CASP6: variants seen among roughly 807,000 people sequenced by gnomAD.
The protein encoded by CASP6 is caspase-6.
Under a neutral mutation model 31.8 loss-of-function variants are expected in CASP6, and 20 were observed. The observed-to-expected ratio is 0.63, with a 90% CI of 0.44 to 0.91. CASP6 has a LOEUF of 0.91. CASP6 is among the 40% of genes least tolerant of loss of function. The pLI, the probability that CASP6 is intolerant of heterozygous loss-of-function variation, is 0.00. For synonymous variants in CASP6, 130 were observed against 127.8 expected (o/e 1.02, Z -0.12); for missense variants, 328 against 361.1 (o/e 0.91, Z 0.74).
At chr4:109,671,201 G>T in the CASP6 span, among the ~76,000 whole-genome samples, 1 of 152,164 alleles carries the variant, frequency 6.6e-6, no homozygotes, top group Non-Finnish European at 1.5e-5. Flanking sequence ...CAGGAAACTG[G>T]AAGTCTTAAC....
At chr4:109,687,704 T>C (rs1422306185), downstream of CASP6, 3 of 695,574 alleles carry the variant, frequency 4.3e-6, no homozygotes, top group Non-Finnish European at 7.4e-6. Context: ...TATTAAATTC[T>C]TGTAAAACAG....
In CASP6 at chr4:109,688,954, A is replaced by T. The variant is rs1382950913; in HGVS notation, c.*376T>A. 3 of 175,268 alleles carry T rather than the reference A, an allele frequency of 1.7e-5. No individual in the cohort carries two copies. The highest frequency in any genetic ancestry group is 3.7e-5 in the Non-Finnish European group (3 of 80,694). 10.9% of individuals were successfully genotyped at this position (175,268 alleles called of 1,614,324 possible). A position where few individuals can be genotyped will look rare whatever the true frequency, so the allele number is the denominator to read the frequency against. ...TAGACCATAATGCTTCACCCTAACG[A>T]TATTTATATAAAAGGAAGAGAAAGA... On this transcript the variant is annotated 3_prime_UTR_variant, in exon 7 of 7. Coordinates refer to ENST00000265164, the MANE Select transcript of CASP6 (RefSeq NM_001226.4).
chr4:109,686,388 C>G (rs1729837359), downstream of CASP6, among the ~76,000 whole-genome samples: 1 of 152,198 alleles, frequency 6.6e-6, no homozygotes, highest in Admixed American at 6.5e-5. Flanking sequence ...ATCCACCTGC[C>G]TTGGCCTCCC....
chr4:109,698,650 CG>C (rs1730325948), intron 1 of CASP6, among the ~76,000 whole-genome samples: 1 of 152,294 alleles, frequency 6.6e-6, no homozygotes, highest in East Asian at 1.9e-4. Context: ...TCTGTGATTA[CG>C]GAGTTGAAAT....
intron 2 of CASP6, 108 bp downstream of exon 2, chr4:109,698,192 A>G (rs927060496): frequency 9.9e-5 from 117 of 1,177,708 alleles, no homozygotes; most frequent in Non-Finnish European, 1.4e-4. Flanking sequence ...AACTTGGCCT[A>G]CTCAGTTTTA....
upstream of CASP6, among the ~76,000 whole-genome samples, chr4:109,704,656 G>T (rs76286439): frequency 3.8e-3 from 572 of 152,322 alleles, 7 homozygotes; most frequent in African/African-American, 0.013. Context: ...TAACGTAGAA[G>T]CTGCATCAGG....
Position 109,688,651 on chromosome 4 carries a change from GGAT to G in CASP6, c.*676_*678del, listed in dbSNP as rs1371745479. The G allele has an allele frequency of 6.6e-6, 1 of 151,894 alleles. No homozygotes were observed. Among genetic ancestry groups the G allele is most frequent in the Non-Finnish European group, 1.5e-5 (1 of 68,004 alleles). The allele number at this position is 151,894 out of a possible 1,614,324, so 9.4% of individuals were successfully genotyped here. A position where few individuals can be genotyped will look rare whatever the true frequency, so the allele number is the denominator to read the frequency against. On this transcript the variant is annotated 3_prime_UTR_variant, in exon 7 of 7. Coordinates refer to ENST00000265164, the MANE Select transcript of CASP6 (RefSeq NM_001226.4). ...TATGAATTTCGAATATTTTATTAAGGGATGATTTAATTCCTGGATTTCAAAAAC... is the reference window on the plus strand; with the variant it reads ...TATGAATTTCGAATATTTTATTAAGGGATTTAATTCCTGGATTTCAAAAAC...
the CASP6 span, chr4:109,674,202 A>G: frequency 2.3e-4 from 187 of 804,872 alleles, 2 homozygotes; most frequent in Non-Finnish European, 9.0e-6. Flanking sequence ...TATTGTTGGA[A>G]ATAAACTAAT....
Position 109,698,338 on chromosome 4 carries a change from C to G in CASP6, c.45G>C (p.Gly15=), listed in dbSNP as rs1361976049. The G allele has an allele frequency of 2.5e-6, 4 of 1,609,582 alleles. No individual in the cohort carries two copies. The highest frequency in any genetic ancestry group is 3.4e-6 in the Non-Finnish European group (4 of 1,178,646). The change falls in exon 2 of 7, where the codon GGG becomes GGC. Residue 15 remains glycine, a synonymous_variant. Transcript: ENST00000265164. The part of the protein sequence containing the change: ...SGLRRGHPAG[G]EENMTETDAF... ...CATCTGTTTCTGTCATGTTTTCTTCCCCACCTATTAAAAAAAGTTGATTTT... is the reference window on the plus strand; with the variant it reads ...CATCTGTTTCTGTCATGTTTTCTTCGCCACCTATTAAAAAAAGTTGATTTT...
chr4:109,706,555 A>G (rs932005593), upstream of CASP6, among the ~76,000 whole-genome samples: 11 of 152,098 alleles, frequency 7.2e-5, no homozygotes, highest in African/African-American at 2.7e-4. Context: ...GGGGGGATTG[A>G]CCCCAATTTT....
the CASP6 span, chr4:109,673,878 T>C: frequency 1.3e-6 from 1 of 772,722 alleles, no homozygotes; most frequent in Non-Finnish European, 2.4e-6. Flanking sequence ...TTCCTTCATA[T>C]GAGGAATATC....
At chr4:109,702,436 T>G (rs1183086507) in intron 1 of CASP6, among the ~76,000 whole-genome samples, 8 of 152,014 alleles carry the variant, frequency 5.3e-5, no homozygotes, top group Non-Finnish European at 1.2e-4. Flanking sequence ...TTCAAACGAT[T>G]CTCTTGTCTC....
the CASP6 span, among the ~76,000 whole-genome samples, chr4:109,671,135 A>G: frequency 3.9e-5 from 6 of 152,164 alleles, no homozygotes; most frequent in African/African-American, 1.4e-4. Flanking sequence ...CATTGTATTC[A>G]GCCATTTATT....
chr4:109,697,768 T>G lies in CASP6; in HGVS notation c.84A>C (p.Arg28Ser). Reference sequence around the variant, plus strand: ...ACTTTTCTGCCGGATCAAACATTTCTCTGTTAATGAAAAGTTGAAAAACAA... The same window carrying G: ...ACTTTTCTGCCGGATCAAACATTTCGCTGTTAATGAAAAGTTGAAAAACAA... ...NMTETDAFYK[R>S]EMFDPAEKYK... The change falls in exon 3 of 7, where the codon AGA becomes AGC. Residue 28 changes from arginine (R) to serine (S), a missense_variant and splice_region_variant. Coordinates refer to ENST00000265164, the MANE Select transcript of CASP6 (RefSeq NM_001226.4). 1 of 1,612,148 alleles carries G rather than the reference T, an allele frequency of 6.2e-7. No individual in the cohort carries two copies. The highest frequency in any genetic ancestry group is 8.5e-7 in the Non-Finnish European group (1 of 1,179,500).
At chr4:109,679,183 C>T in the CASP6 span, among the ~76,000 whole-genome samples, 3 of 151,448 alleles carry the variant, frequency 2.0e-5, no homozygotes, top group African/African-American at 4.9e-5. Flanking sequence ...TGGGCAGAGG[C>T]ACTCCTCACA....
At chr4:109,703,289 C>G in intron 1 of CASP6, 67 bp downstream of exon 1, 1 of 1,551,528 alleles carries the variant, frequency 6.4e-7, no homozygotes, top group East Asian at 2.4e-5. Context: ...TCCACTAACC[C>G]TCGTTTCCCC....
intron 3 of CASP6, among the ~76,000 whole-genome samples, chr4:109,697,421 T>C (rs996519748): frequency 1.3e-5 from 2 of 151,998 alleles, no homozygotes; most frequent in African/African-American, 4.8e-5. Context: ...ACCGCCACCA[T>C]GCCCAGCTAA....
At chr4:109,670,931 T>G in the CASP6 span, among the ~76,000 whole-genome samples, 1 of 152,172 alleles carries the variant, frequency 6.6e-6, no homozygotes, top group South Asian at 2.1e-4. Context: ...TTGTCCACGC[T>G]GAGCCTCCAG....
At chr4:109,677,263 A>G in the CASP6 span, among the ~76,000 whole-genome samples, 1 of 152,056 alleles carries the variant, frequency 6.6e-6, no homozygotes, top group Admixed American at 6.5e-5. Flanking sequence ...CAGCCATTGT[A>G]TTTTGGAAGT....
Sources: allele counts gnomAD v4.1 joint callset (sites outside exome capture counted in the v4.1 genomes callset), GRCh38; gene constraint gnomAD v4.1.1; transcripts MANE v1.5; gene names NCBI Gene and HGNC (gene_info 2026-07-23, HGNC 2026-07-21).